The following DAP3 variants were observed in gnomAD, a reference collection of about 807,000 sequenced individuals.
DAP3 encodes the protein small ribosomal subunit protein mS29.
Under a neutral mutation model 51.9 loss-of-function variants are expected in DAP3, and 28 were observed. That is an observed-to-expected ratio of 0.54 (90% CI 0.40 to 0.74). The LOEUF is 0.74. Ranked by LOEUF, DAP3 falls within the 30% of genes least tolerant of loss-of-function variation. The probability of loss-of-function intolerance (pLI) is 0.00; values close to 1 mark genes in which losing one functional copy is unlikely to be tolerated. For missense variants in DAP3, 458 were observed against 483.5 expected, an observed-to-expected ratio of 0.95 and a Z score of 0.49; for synonymous variants, 170 against 170.3, an observed-to-expected ratio of 1.00 and a Z score of 0.01.
At chr1:155,723,935 A>G (rs1284595004) in intron 4 of DAP3, among the ~76,000 whole-genome samples, 1 of 151,824 alleles carries the variant, frequency 6.6e-6, no homozygotes, top group Non-Finnish European at 1.5e-5. Flanking sequence ...GCTACTTGTG[A>G]GGCTGAAGCA....
chr1:155,722,797 C>G (rs1658155221), intron 4 of DAP3, among the ~76,000 whole-genome samples: 1 of 152,046 alleles, frequency 6.6e-6, no homozygotes, highest in African/African-American at 2.4e-5. Context: ...GACCCTGTCT[C>G]CAAAAAACAA....
chr1:155,702,591 T>C (rs72999069), intron 1 of DAP3, among the ~76,000 whole-genome samples: 4,045 of 152,280 alleles, frequency 0.027, 167 homozygotes, highest in African/African-American at 0.086. Flanking sequence ...TTCATTCTTT[T>C]GTGGGTGAAT....
intron 3 of DAP3, among the ~76,000 whole-genome samples, chr1:155,721,042 A>G (rs1657937234): frequency 6.7e-6 from 1 of 150,338 alleles, no homozygotes; most frequent in Non-Finnish European, 1.5e-5. Flanking sequence ...GTCTCAAAAA[A>G]AAAAGAAGAC....
chr1:155,703,224 T>C (rs928971872), intron 1 of DAP3, among the ~76,000 whole-genome samples: 2 of 152,152 alleles, frequency 1.3e-5, no homozygotes, highest in Non-Finnish European at 2.9e-5. Context: ...GCGTAATTTA[T>C]TAAGAAAAAG....
chr1:155,734,004 A>T (rs891661372), intron 11 of DAP3, among the ~76,000 whole-genome samples: 43 of 152,178 alleles, frequency 2.8e-4, no homozygotes, highest in Non-Finnish European at 5.4e-4. Flanking sequence ...AAAAAATTTT[A>T]AAACTAGCTG....
At position 155,733,465 on chromosome 1, in the gene DAP3, G is replaced by A. The variant is rs543922646; in HGVS notation, c.993+1432G>A. On this transcript the variant is annotated intron_variant, in intron 11 of 12. Transcript: ENST00000368336. ...CCTCCGCAGCTGGTATGGTCTTGTG[G>A]ATTTTTATTTAATAGAATCTAAATC... Among the ~76,000 whole-genome samples the A allele has an allele frequency of 8.3e-4, 127 of 152,278 alleles. No individual in the cohort carries two copies. The Middle Eastern group carries it at 0.01, about 12-fold the overall frequency.
Position 155,718,743 on chromosome 1 carries a change from GATAGATAT to G in DAP3, c.168+1617_168+1624del, listed in dbSNP as rs778606413. On this transcript the variant is annotated intron_variant, in intron 3 of 12. Coordinates refer to ENST00000368336, the MANE Select transcript of DAP3 (RefSeq NM_004632.4). ...AGATAGATAGATAGATAGATAGATA[GATAGATAT>G]AGATATAGATGAAGATATATATATA... is the stretch of plus-strand genomic sequence containing the variant. Among the ~76,000 whole-genome samples, 10 of 139,192 alleles carry G rather than the reference GATAGATAT, an allele frequency of 7.2e-5. No individual in the cohort carries two copies. The East Asian group carries it at 1.6e-3, about 22-fold the overall frequency. The allele number at this position is 139,192 out of a possible 152,430, so 91.3% of individuals were successfully genotyped here. A position where few individuals can be genotyped will look rare whatever the true frequency, so the allele number is the denominator to read the frequency against.
At chr1:155,737,103 A>G (rs766103113) in intron 12 of DAP3, 40 bp downstream of exon 12, 2 of 1,410,518 alleles carry the variant, frequency 1.4e-6, no homozygotes, top group Admixed American at 1.7e-5. Context: ...CTTTGTGATC[A>G]CAGTAGAATC....
chr1:155,699,326 C>A (rs1180563310), intron 1 of DAP3, among the ~76,000 whole-genome samples: 1 of 152,182 alleles, frequency 6.6e-6, no homozygotes, highest in East Asian at 1.9e-4. Flanking sequence ...TAGCCACATT[C>A]CAATGCTTCA....
At chr1:155,700,515 G>C (rs1474066023) in intron 1 of DAP3, among the ~76,000 whole-genome samples, 5 of 50,074 alleles carry the variant, frequency 1.0e-4, no homozygotes, top group Admixed American at 6.7e-4. Context: ...TGAGGGAGGT[G>C]GGGGGGGCGG....
intron 1 of DAP3, among the ~76,000 whole-genome samples, chr1:155,696,649 G>A (rs796726716): frequency 6.6e-6 from 1 of 152,114 alleles, no homozygotes; most frequent in African/African-American, 2.4e-5. Flanking sequence ...ATTTTTTGTT[G>A]CACATAGTAT....
chr1:155,731,747 G>C (rs1432572388), intron 10 of DAP3, among the ~76,000 whole-genome samples, 197 bp from the exon 11 acceptor site: 1 of 152,014 alleles, frequency 6.6e-6, no homozygotes, highest in Non-Finnish European at 1.5e-5. Flanking sequence ...AATATGTCAT[G>C]GTAAATTTAA....
rs903285345 is a variant in DAP3, at chr1:155,737,053, A to G, written c.1101A>G (p.Gln367=). 1.2e-6 allele frequency: 2 copies of G among 1,611,438 alleles called. No individual in the cohort carries two copies. The highest frequency in any genetic ancestry group is 1.1e-5 in the South Asian group (1 of 91,016). ...ATTATTTGGAAAACAATTGGCTTCAACATGAGAAAGGTCCATCATTTAGTT... is the reference window on the plus strand; with the variant it reads ...ATTATTTGGAAAACAATTGGCTTCAGCATGAGAAAGGTCCATCATTTAGTT... ...IQYYLENNWL[Q]HEKAPTEEGK... is the part of the protein sequence containing the mutation. The change falls in exon 12 of 13, where the codon CAA becomes CAG. Residue 367 remains glutamine, a synonymous_variant. Coordinates refer to ENST00000368336, the MANE Select transcript of DAP3 (RefSeq NM_004632.4).
intron 11 of DAP3, among the ~76,000 whole-genome samples, chr1:155,736,314 G>A (rs946328366): frequency 1.3e-5 from 2 of 152,112 alleles, no homozygotes; most frequent in African/African-American, 4.8e-5. Flanking sequence ...CATTAACTTT[G>A]TTTCAAAAGC....
chr1:155,724,816 A>G (rs1226719318), intron 4 of DAP3, among the ~76,000 whole-genome samples: 3 of 151,866 alleles, frequency 2.0e-5, no homozygotes, highest in Non-Finnish European at 4.4e-5. Flanking sequence ...ATAGCCGGGC[A>G]TGGTGGTGGG....
rs1647063729 is a variant in DAP3, at chr1:155,738,253, C to T, written c.*11C>T. The T allele has an allele frequency of 6.2e-7, 1 of 1,614,104 alleles. No homozygotes were observed. The highest frequency in any genetic ancestry group is 1.1e-5 in the South Asian group (1 of 91,078). On this transcript the variant is annotated 3_prime_UTR_variant, in exon 13 of 13. Coordinates refer to ENST00000368336, the MANE Select transcript of DAP3 (RefSeq NM_004632.4). ...TGTGCCTACCTCTAAGCCAAGATCA[C>T]AGCATGTGAGGAAGACAGTGGACAT...
chr1:155,698,835 C>T (rs1174875547), intron 1 of DAP3, among the ~76,000 whole-genome samples: 3 of 152,102 alleles, frequency 2.0e-5, no homozygotes, highest in African/African-American at 7.2e-5. Flanking sequence ...CATTTGTGTC[C>T]CTAGCTTTCT....
At chr1:155,722,458 G>A (rs1658116130) in intron 4 of DAP3, among the ~76,000 whole-genome samples, 1 of 152,040 alleles carries the variant, frequency 6.6e-6, no homozygotes, top group African/African-American at 2.4e-5. Flanking sequence ...GTTTATGCCT[G>A]TAGTCTCAGC....
Position 155,726,585 on chromosome 1 carries a change from C to T in DAP3, c.472+566C>T, listed in dbSNP as rs1024540411. Among the ~76,000 whole-genome samples, 78 of 151,814 alleles carry T rather than the reference C, an allele frequency of 5.1e-4. 1 individual carries two copies. The highest frequency in any genetic ancestry group is 4.8e-4 in the African/African-American group (20 of 41,378). ...GGGATTACAGGCATGAGCCATTGCA[C>T]CCGGCCTCAGCTTTACTTTCCTAAC... On this transcript the variant is annotated intron_variant, in intron 6 of 12. Transcript: ENST00000368336.
Sources: gnomAD v4.1 joint callset for allele counts (sites outside exome capture counted in the v4.1 genomes callset) on GRCh38, gnomAD v4.1.1 for gene constraint, MANE v1.5 for transcripts, NCBI Gene and HGNC (gene_info 2026-07-23, HGNC 2026-07-21) for gene names.